The following ZDHHC2 variants were observed in gnomAD, a reference collection of about 807,000 sequenced individuals.
ZDHHC2 encodes palmitoyltransferase ZDHHC2.
Under a neutral mutation model 55.6 loss-of-function variants are expected in ZDHHC2, and 51 were observed. The observed-to-expected ratio is 0.92, with a 90% CI of 0.73 to 1.16. The LOEUF (loss-of-function observed/expected upper bound fraction) is 1.16, where lower values mean the gene tolerates loss of function less well. ZDHHC2 is among the 50% of genes most tolerant of loss of function. The pLI, the probability that ZDHHC2 is intolerant of heterozygous loss-of-function variation, is 0.00. For missense variants in ZDHHC2, 491 were observed against 442.4 expected (o/e 1.11, Z -0.99); for synonymous variants, 199 against 152.9 (o/e 1.30, Z -2.22).
At chr8:17,170,807 T>C (rs1258372133) in intron 1 of ZDHHC2, among the ~76,000 whole-genome samples, 2 of 152,212 alleles carry the variant, frequency 1.3e-5, no homozygotes, top group Non-Finnish European at 2.9e-5. Context: ...TATATATTTT[T>C]TAAATGATGA....
chr8:17,170,105 G>A (rs1279059107), intron 1 of ZDHHC2, among the ~76,000 whole-genome samples: 1 of 152,204 alleles, frequency 6.6e-6, no homozygotes, highest in East Asian at 1.9e-4. Context: ...AGTGTTGGGC[G>A]AGAGTATGAT....
At chr8:17,205,826 A>G (rs2904674) in intron 7 of ZDHHC2, 51 bp downstream of exon 7, 988,333 of 1,510,306 alleles carry the variant, frequency 0.65, 342,245 homozygotes, top group Non-Finnish European at 0.72. Context: ...AATAGATAAT[A>G]TAGGCTTTTC....
intron 1 of ZDHHC2, among the ~76,000 whole-genome samples, chr8:17,164,331 A>G (rs2083975005): frequency 6.6e-6 from 1 of 152,216 alleles, no homozygotes; most frequent in African/African-American, 2.4e-5. Context: ...TCTGAAGTGC[A>G]TACTTAATGG....
At chr8:17,178,982 G>T (rs907456999) in intron 1 of ZDHHC2, among the ~76,000 whole-genome samples, 1 of 151,990 alleles carries the variant, frequency 6.6e-6, no homozygotes, top group Non-Finnish European at 1.5e-5. Flanking sequence ...ACAGGGTCAC[G>T]CTCTGTTGCC....
chr8:17,182,582 AC>A (rs1039116321), intron 1 of ZDHHC2, among the ~76,000 whole-genome samples: 1 of 152,194 alleles, frequency 6.6e-6, no homozygotes, highest in African/African-American at 2.4e-5. Flanking sequence ...TAAGTTGTGT[AC>A]TTTTAAAAAA....
intron 3 of ZDHHC2, among the ~76,000 whole-genome samples, chr8:17,187,537 G>A (rs1166046527): frequency 6.6e-6 from 1 of 152,108 alleles, no homozygotes; most frequent in African/African-American, 2.4e-5. Flanking sequence ...ACAGATGTTT[G>A]CGCAGAATTA....
chr8:17,190,746 T>G (rs909875146), intron 3 of ZDHHC2, among the ~76,000 whole-genome samples: 2 of 151,988 alleles, frequency 1.3e-5, no homozygotes, highest in African/African-American at 4.8e-5. Flanking sequence ...GATATATATA[T>G]TTATGGGGTA....
chr8:17,199,583 T>C (rs1420604268), intron 6 of ZDHHC2, among the ~76,000 whole-genome samples: 50 of 67,530 alleles, frequency 7.4e-4, no homozygotes, highest in Non-Finnish European at 2.4e-3. Context: ...TGTCTTCTTC[T>C]TCTTCTTTCT....
At chr8:17,175,554 AATTTAT>A (rs1805087637) in intron 1 of ZDHHC2, among the ~76,000 whole-genome samples, 1 of 152,210 alleles carries the variant, frequency 6.6e-6, no homozygotes, top group Non-Finnish European at 1.5e-5. Flanking sequence ...TTTGGTGATG[AATTTAT>A]CCTCCATATT....
chr8:17,207,345 G>A (rs1195974183), intron 7 of ZDHHC2, among the ~76,000 whole-genome samples: 1 of 152,128 alleles, frequency 6.6e-6, no homozygotes, highest in African/African-American at 2.4e-5. Flanking sequence ...TCTTTGAGAT[G>A]GACTGTTTCA....
At chr8:17,181,330 G>C (rs1028661397) in intron 1 of ZDHHC2, among the ~76,000 whole-genome samples, 1 of 152,196 alleles carries the variant, frequency 6.6e-6, no homozygotes, top group Admixed American at 6.5e-5. Flanking sequence ...TGATCCAGCA[G>C]AGCTGGAAGT....
intron 1 of ZDHHC2, among the ~76,000 whole-genome samples, chr8:17,178,395 A>G (rs1470114789): frequency 6.6e-6 from 1 of 152,186 alleles, no homozygotes; most frequent in Non-Finnish European, 1.5e-5. Context: ...TAGTATCTAT[A>G]TATACACATA....
rs548483978 is a variant in ZDHHC2 at position 17,223,044 on chromosome 8, A to C, written c.*2823A>C. 5 of 151,960 alleles carry C rather than the reference A, an allele frequency of 3.3e-5. No individual in the cohort carries two copies. Among genetic ancestry groups the C allele is most frequent in the Non-Finnish European group, 5.9e-5 (4 of 67,836 alleles). The allele number at this position is 151,960 out of a possible 1,614,324, so 9.4% of individuals were successfully genotyped here. A position where few individuals can be genotyped will look rare whatever the true frequency, so the allele number is the denominator to read the frequency against. ...GAAATCAAAGATATAAATCATGTTT[A>C]TAAAAAATTAGGCACGCAATCATGT... On this transcript the variant is annotated 3_prime_UTR_variant, in exon 13 of 13. Transcript: ENST00000262096.
rs117135534 is a variant in ZDHHC2, at chr8:17,210,132, C to G, written c.857+74C>G. Reference sequence around the variant, plus strand: ...AGCAAAAGATAGTTTCAGGAAAAGCCTCTAGTTCCATAGGCTTGTAATTCT... The same window carrying G: ...AGCAAAAGATAGTTTCAGGAAAAGCGTCTAGTTCCATAGGCTTGTAATTCT... On this transcript the variant is annotated intron_variant, in intron 9 of 12. Transcript: ENST00000262096. 1.9e-3 allele frequency: 2,823 copies of G among 1,484,724 alleles called. 39 individuals are homozygous for G. In the East Asian group the frequency reaches 0.031, roughly 16 times the overall value. The allele number at this position is 1,484,724 out of a possible 1,614,324, so 92.0% of individuals were successfully genotyped here.
chr8:17,215,301 T>A lies in ZDHHC2; in HGVS notation c.1015T>A (p.Ser339Thr). Residue 339 changes from serine (S) to threonine (T), a missense_variant, in exon 11 of 13, where the codon TCT (serine) becomes ACT (threonine). Physicochemically the swap from Ser to Thr is moderately conservative, Grantham distance 58. Transcript: ENST00000262096. ...GTCCCAGAGCCACCTTCTTACTGAT[T>A]CTCAGTCTTGGACGGAGAGCAGCAT... ...RESQSHLLTD[S>T]QSWTESSINP... The A allele has an allele frequency of 6.2e-7, 1 of 1,600,738 alleles. No homozygotes were observed.
At chr8:17,199,588 CTTTCTTCTTCTTTATTCTTT>C (rs1806599383) in intron 6 of ZDHHC2, among the ~76,000 whole-genome samples, 4 of 34,230 alleles carry the variant, frequency 1.2e-4, no homozygotes, top group South Asian at 8.7e-4. Context: ...TCTTCTTCTT[CTTTCTTCTTCTTTATTCTTT>C]CTTCTTCTTC....
intron 6 of ZDHHC2, among the ~76,000 whole-genome samples, chr8:17,203,167 C>G (rs1025177090): frequency 6.7e-6 from 1 of 149,446 alleles, no homozygotes; most frequent in African/African-American, 2.5e-5. Context: ...TCAAGCAGTT[C>G]TTCTACCACA....
chr8:17,189,304 CT>C (rs778352443), intron 3 of ZDHHC2, among the ~76,000 whole-genome samples: 97 of 152,152 alleles, frequency 6.4e-4, no homozygotes, highest in Non-Finnish European at 1.1e-3. Context: ...CTACCCTCGG[CT>C]TTCCCTGCAC....
At chr8:17,189,914 G>T (rs1805931719) in intron 3 of ZDHHC2, among the ~76,000 whole-genome samples, 1 of 152,058 alleles carries the variant, frequency 6.6e-6, no homozygotes, top group African/African-American at 2.4e-5. Flanking sequence ...AAACAATTAA[G>T]GTATCTAGTG....
Sources: gnomAD v4.1 joint callset for allele counts (sites outside exome capture counted in the v4.1 genomes callset) on GRCh38, gnomAD v4.1.1 for gene constraint, MANE v1.5 for transcripts, NCBI Gene and HGNC (gene_info 2026-07-23, HGNC 2026-07-21) for gene names.